The following SNTB1 variants were observed in gnomAD, a reference collection of about 807,000 sequenced individuals.
SNTB1 encodes syntrophin beta 1.
Under a neutral mutation model 48.9 loss-of-function variants are expected in SNTB1, and 36 were observed. That is an observed-to-expected ratio of 0.74 (90% confidence interval 0.56 to 0.97). The LOEUF (loss-of-function observed/expected upper bound fraction) is 0.97. Ranked by LOEUF, SNTB1 falls within the 50% of genes least tolerant of loss-of-function variation. SNTB1 has a pLI of 0.00. For synonymous variants in SNTB1, 299 were observed against 294.6 expected, an observed-to-expected ratio of 1.01 and a Z score of -0.15; for missense variants, 786 against 703.4, an observed-to-expected ratio of 1.12 and a Z score of -1.33.
intron 2 of SNTB1, among the ~76,000 whole-genome samples, chr8:120,690,866 A>G (rs1304185044): frequency 6.6e-6 from 1 of 152,132 alleles, no homozygotes. Flanking sequence ...TAGGCCCCCA[A>G]TCTTCTTGTT....
At chr8:120,634,874 C>T (rs1208429883) in intron 2 of SNTB1, among the ~76,000 whole-genome samples, 2 of 139,400 alleles carry the variant, frequency 1.4e-5, no homozygotes, top group Non-Finnish European at 3.0e-5. Context: ...TTTTTTGAGA[C>T]GGAGTCTCGC....
chr8:120,664,924 C>T (rs4870743), intron 2 of SNTB1, among the ~76,000 whole-genome samples: 31,278 of 152,066 alleles, frequency 0.21, 4,076 homozygotes, highest in Non-Finnish European at 0.28. Context: ...TCCACATCCT[C>T]GCCAATACCT....
intron 1 of SNTB1, among the ~76,000 whole-genome samples, chr8:120,755,623 G>A (rs1296637912): frequency 6.6e-6 from 1 of 152,088 alleles, no homozygotes; most frequent in Non-Finnish European, 1.5e-5. Flanking sequence ...TCTGTCACTA[G>A]AAAACAATAA....
intron 3 of SNTB1, among the ~76,000 whole-genome samples, chr8:120,632,120 T>TC (rs1400900357): frequency 1.3e-5 from 2 of 152,214 alleles, no homozygotes; most frequent in African/African-American, 4.8e-5. Context: ...AAGAGCTCTG[T>TC]TCTGAGTTTG....
At chr8:120,654,186 T>C (rs1817460285) in intron 2 of SNTB1, among the ~76,000 whole-genome samples, 1 of 149,838 alleles carries the variant, frequency 6.7e-6, no homozygotes, top group African/African-American at 2.5e-5. Context: ...TGGCCCAGGG[T>C]AGGTCTCCAC....
At chr8:120,565,232 G>C (rs143248906) in intron 4 of SNTB1, among the ~76,000 whole-genome samples, 1 of 152,044 alleles carries the variant, frequency 6.6e-6, no homozygotes, top group African/African-American at 2.4e-5. Context: ...TTATAAACCC[G>C]AAAATAGAAG....
At chr8:120,801,458 T>G (rs1321032357) in intron 1 of SNTB1, among the ~76,000 whole-genome samples, 1 of 152,066 alleles carries the variant, frequency 6.6e-6, no homozygotes, top group African/African-American at 2.4e-5. Context: ...TTTATTACTC[T>G]ACACCTGTCT....
intron 1 of SNTB1, among the ~76,000 whole-genome samples, chr8:120,743,290 T>C (rs893958309): frequency 1.3e-5 from 2 of 152,232 alleles, no homozygotes; most frequent in African/African-American, 4.8e-5. Flanking sequence ...TGGATGACTG[T>C]GTTTTATTAT....
intron 1 of SNTB1, among the ~76,000 whole-genome samples, chr8:120,712,211 G>A (rs113443044): frequency 0.027 from 4,088 of 152,002 alleles, 170 homozygotes; most frequent in African/African-American, 0.091. Context: ...TCAGGAGATC[G>A]AGACCATCCT....
intron 2 of SNTB1, among the ~76,000 whole-genome samples, chr8:120,662,332 T>A (rs1440039680): frequency 6.6e-6 from 1 of 152,238 alleles, no homozygotes; most frequent in African/African-American, 2.4e-5. Context: ...TCAATCTTTC[T>A]CATCTTATAG....
intron 6 of SNTB1, among the ~76,000 whole-genome samples, chr8:120,540,394 G>A (rs1815266753): frequency 6.6e-6 from 1 of 152,274 alleles, no homozygotes; most frequent in East Asian, 1.9e-4. Context: ...TCCAAGTCAG[G>A]CTGTAATTAT....
At chr8:120,613,384 T>C (rs1211314542) in intron 3 of SNTB1, among the ~76,000 whole-genome samples, 1 of 150,918 alleles carries the variant, frequency 6.6e-6, no homozygotes, top group African/African-American at 2.4e-5. Flanking sequence ...TGGAGGTAGA[T>C]AGTAGAATGG....
intron 1 of SNTB1, among the ~76,000 whole-genome samples, chr8:120,770,992 G>A (rs976413151): frequency 5.3e-5 from 8 of 152,172 alleles, no homozygotes; most frequent in Non-Finnish European, 7.3e-5. Flanking sequence ...AAGAAGAGTC[G>A]CTTTGGATCA....
chr8:120,764,407 A>G (rs1819480509), intron 1 of SNTB1, among the ~76,000 whole-genome samples: 1 of 152,208 alleles, frequency 6.6e-6, no homozygotes, highest in Non-Finnish European at 1.5e-5. Context: ...TATATGCATT[A>G]TAAGCAGTGA....
intron 1 of SNTB1, among the ~76,000 whole-genome samples, chr8:120,741,970 T>G (rs1203009328): frequency 6.6e-6 from 1 of 152,000 alleles, no homozygotes; most frequent in African/African-American, 2.4e-5. Flanking sequence ...CAGTATTGAG[T>G]TAGGGTATGT....
intron 5 of SNTB1, among the ~76,000 whole-genome samples, chr8:120,544,790 C>CTTTG (rs773914231): frequency 2.7e-4 from 31 of 114,170 alleles, no homozygotes; most frequent in African/African-American, 1.1e-3. Context: ...AAATTCAAAA[C>CTTTG]TTTTTTTTTT....
At chr8:120,745,782 A>T (rs1819115990) in intron 1 of SNTB1, among the ~76,000 whole-genome samples, 1 of 152,162 alleles carries the variant, frequency 6.6e-6, no homozygotes, top group Non-Finnish European at 1.5e-5. Context: ...AATCCTTAAC[A>T]GCTGCCATGA....
intron 3 of SNTB1, among the ~76,000 whole-genome samples, chr8:120,616,733 G>A (rs971051327): frequency 6.6e-6 from 1 of 152,162 alleles, no homozygotes; most frequent in Admixed American, 6.5e-5. Flanking sequence ...AAAAATTAAA[G>A]GTCAAACTAA....
At chr8:120,547,738 G>C (rs986812888) in intron 5 of SNTB1, among the ~76,000 whole-genome samples, 1 of 151,756 alleles carries the variant, frequency 6.6e-6, no homozygotes, top group Non-Finnish European at 1.5e-5. Context: ...TTCTACCACC[G>C]ACTTGCCCTT....
Sources: gnomAD v4.1 joint callset for allele counts (sites outside exome capture counted in the v4.1 genomes callset) on GRCh38, gnomAD v4.1.1 for gene constraint, MANE v1.5 for transcripts, NCBI Gene and HGNC (gene_info 2026-07-23, HGNC 2026-07-21) for gene names.